Variants in ROBO1 observed in about 807,000 individuals in gnomAD.
ROBO1 encodes roundabout guidance receptor 1.
ROBO1 carries 149 observed loss-of-function variants against 195.9 expected under a neutral mutation model. The observed-to-expected ratio is 0.76, with a 90% CI of 0.67 to 0.87. ROBO1 has a LOEUF of 0.87. Among genes scored for constraint, ROBO1 ranks in the 40% least tolerant of loss-of-function variants. The pLI is 0.00. For synonymous variants in ROBO1, 816 were observed against 733.2 expected (o/e 1.11, Z -1.82); for missense variants, 1,933 against 2,068.3 (o/e 0.93, Z 1.27).
intron 3 of ROBO1, among the ~76,000 whole-genome samples, chr3:78,959,269 C>T (rs2107820687): frequency 7.0e-6 from 1 of 143,460 alleles, no homozygotes; most frequent in Non-Finnish European, 1.6e-5. Context: ...ACAAAGTTTA[C>T]TGAAAGGCAA....
intron 2 of ROBO1, among the ~76,000 whole-genome samples, chr3:79,458,263 G>A (rs1207725964): frequency 6.6e-6 from 1 of 152,206 alleles, no homozygotes; most frequent in African/African-American, 2.4e-5. Flanking sequence ...AACGGGCAGA[G>A]AAGGTAGACC....
chr3:78,723,230 C>T (rs1179663308), intron 5 of ROBO1, among the ~76,000 whole-genome samples: 1 of 152,028 alleles, frequency 6.6e-6, no homozygotes, highest in Non-Finnish European at 1.5e-5. Context: ...AAAAACTTGC[C>T]GTTGTGTTAG....
At position 79,152,952 on chromosome 3, in the gene ROBO1, A is replaced by C. The variant is rs552391279; in HGVS notation, c.89-27413T>G. Among the ~76,000 whole-genome samples, 3 of 151,922 alleles carry C rather than the reference A, an allele frequency of 2.0e-5. No homozygotes were observed. In the East Asian group the frequency reaches 5.8e-4, roughly 30 times the overall value. ...TTTTCAAAGACGTTAAAACAAAAAC[A>C]ATAGCCCATTTTGAAAAGCGAAAGA... On this transcript the variant is annotated intron_variant, in intron 2 of 30. Coordinates refer to ENST00000464233, the MANE Select transcript of ROBO1 (RefSeq NM_002941.4).
chr3:79,627,606 CA>C (rs1387419273), intron 1 of ROBO1, among the ~76,000 whole-genome samples: 2 of 135,378 alleles, frequency 1.5e-5, no homozygotes, highest in Non-Finnish European at 3.1e-5. Context: ...GACTTCATGA[CA>C]AAAATGCCAA....
chr3:78,851,847 T>A (rs2034087285), intron 4 of ROBO1, among the ~76,000 whole-genome samples: 1 of 152,100 alleles, frequency 6.6e-6, no homozygotes, highest in African/African-American at 2.4e-5. Flanking sequence ...TTGATTTCTT[T>A]AGGTTAATTC....
chr3:78,845,008 G>A (rs2033556223), intron 4 of ROBO1, among the ~76,000 whole-genome samples: 1 of 151,990 alleles, frequency 6.6e-6, no homozygotes, highest in Non-Finnish European at 1.5e-5. Flanking sequence ...CTTTAGTCTT[G>A]TAGATTGAAG....
intron 5 of ROBO1, among the ~76,000 whole-genome samples, chr3:78,736,963 G>T (rs2082406330): frequency 6.6e-6 from 1 of 152,118 alleles, no homozygotes; most frequent in African/African-American, 2.4e-5. Flanking sequence ...TTCCCCTAAG[G>T]ATAATACGTA....
At chr3:79,489,119 T>C (rs938670644) in intron 2 of ROBO1, among the ~76,000 whole-genome samples, 1 of 151,134 alleles carries the variant, frequency 6.6e-6, no homozygotes, top group African/African-American at 2.4e-5. Context: ...CATATATATA[T>C]ATATATAAAA....
intron 1 of ROBO1, among the ~76,000 whole-genome samples, chr3:79,605,913 A>G (rs1944466089): frequency 6.6e-6 from 1 of 151,848 alleles, no homozygotes; most frequent in South Asian, 2.1e-4. Flanking sequence ...GCTTTCGAGT[A>G]AAACACGCTC....
intron 5 of ROBO1, among the ~76,000 whole-genome samples, chr3:78,726,090 A>G (rs905328862): frequency 3.9e-5 from 6 of 152,166 alleles, no homozygotes; most frequent in Non-Finnish European, 7.3e-5. Flanking sequence ...TCAACAGACC[A>G]AAAACAAAAC....
chr3:78,869,415 G>A (rs2035404942), intron 4 of ROBO1, among the ~76,000 whole-genome samples: 1 of 152,106 alleles, frequency 6.6e-6, no homozygotes, highest in African/African-American at 2.4e-5. Flanking sequence ...ATGTAATGAG[G>A]AGTAACTTTA....
At chr3:79,186,830 C>A (rs1434393109) in intron 2 of ROBO1, among the ~76,000 whole-genome samples, 1 of 152,070 alleles carries the variant, frequency 6.6e-6, no homozygotes, top group Non-Finnish European at 1.5e-5. Flanking sequence ...CCCTAGGTAG[C>A]CTCTAATTAG....
In ROBO1 at chr3:78,894,766, G is replaced by A. The variant is rs567587474; in HGVS notation, c.499+43835C>T. 2.2e-4 allele frequency among the ~76,000 whole-genome samples: 34 copies of A among 152,260 alleles called. 1 individual carries two copies. The highest frequency in any genetic ancestry group is 6.5e-4 in the African/African-American group (27 of 41,562). On this transcript the variant is annotated intron_variant, in intron 4 of 30. Transcript: ENST00000464233. The stretch of plus-strand genomic sequence containing the variant: ...GCCATATGTGGCTGCAGGAATCTCC[G>A]AAGACAAGAATAGAGTCTTTCAAAA...
At chr3:78,617,522 C>G (rs77438059) in intron 27 of ROBO1, 113 bp downstream of exon 27, 5 of 754,922 alleles carry the variant, frequency 6.6e-6, no homozygotes, top group Non-Finnish European at 9.2e-6. Flanking sequence ...AAAAAAAAAA[C>G]TGTAAGAATA....
At chr3:79,316,710 T>C (rs1353955444) in intron 2 of ROBO1, among the ~76,000 whole-genome samples, 1 of 152,078 alleles carries the variant, frequency 6.6e-6, no homozygotes, top group Admixed American at 6.6e-5. Flanking sequence ...TGTCAGATAG[T>C]ACCAAGTGCC....
At chr3:79,728,135 TC>T (rs10601245) in intron 1 of ROBO1, among the ~76,000 whole-genome samples, 72,714 of 151,364 alleles carry the variant, frequency 0.48, 17,686 homozygotes, top group East Asian at 0.65. Context: ...TTTAGATATA[TC>T]CCCCCCCCCA....
At chr3:79,539,707 A>G (rs890907705) in intron 2 of ROBO1, among the ~76,000 whole-genome samples, 6 of 152,128 alleles carry the variant, frequency 3.9e-5, no homozygotes, top group African/African-American at 1.4e-4. Context: ...GAATTTGTGT[A>G]GAGTATCACA....
chr3:78,759,838 C>T (rs184294610), intron 4 of ROBO1, among the ~76,000 whole-genome samples: 1 of 142,098 alleles, frequency 7.0e-6, no homozygotes, highest in East Asian at 2.7e-4. Flanking sequence ...TGCCTTTTAA[C>T]GTAAAAAATA....
At chr3:78,798,190 GAATATAGTGTATTATC>G (rs2084243534) in intron 4 of ROBO1, among the ~76,000 whole-genome samples, 2 of 152,242 alleles carry the variant, frequency 1.3e-5, no homozygotes, top group South Asian at 4.1e-4. Context: ...TTCAAGTACA[GAATATAGTGTATTATC>G]ATTTCAGTAA....
Sources: gnomAD v4.1 joint callset for allele counts (sites outside exome capture counted in the v4.1 genomes callset) on GRCh38, gnomAD v4.1.1 for gene constraint, MANE v1.5 for transcripts, NCBI Gene and HGNC (gene_info 2026-07-23, HGNC 2026-07-21) for gene names.